HIBCH: variants seen among roughly 807,000 people sequenced by gnomAD.
HIBCH encodes the protein 3-hydroxyisobutyryl-CoA hydrolase.
In HIBCH, 50 loss-of-function variants were observed where a neutral mutation model predicts 58.2. The ratio of observed to expected loss-of-function variants is 0.86; its 90% CI spans 0.68 to 1.09. The LOEUF (loss-of-function observed/expected upper bound fraction) is 1.09. HIBCH is among the 50% of genes least tolerant of loss of function. HIBCH has a pLI of 0.00. For synonymous variants in HIBCH, 151 were observed against 146.9 expected (o/e 1.03, Z -0.20); for missense variants, 450 against 449.7 (o/e 1.00, Z -0.01).
chr2:190,222,421 GAA>G (rs930196020), intron 11 of HIBCH, among the ~76,000 whole-genome samples: 1 of 137,382 alleles, frequency 7.3e-6, no homozygotes, highest in Non-Finnish European at 1.6e-5. Context: ...CAAAAAGGAG[GAA>G]AAAAAAAAAA....
At position 190,236,425 on chromosome 2, in the gene HIBCH, C is replaced by A. The variant is rs1251455017; in HGVS notation, c.891+8462G>T. ...TTTAAGAGTTATGTTCTGCTTTGAA[C>A]TGTAAATATTTTTCTAAGTAATCAT... On this transcript the variant is annotated intron_variant, in intron 11 of 13. Transcript: ENST00000359678. This position sits in a 1 kb window ranked among gnomAD's most constrained non-coding sequence, Gnocchi z 4.1. 6.6e-6 allele frequency among the ~76,000 whole-genome samples: 1 copy of A among 152,130 alleles called. No homozygotes were observed. Among genetic ancestry groups the A allele is most frequent in the East Asian group, 1.9e-4 (1 of 5,200 alleles).
intron 1 of HIBCH, among the ~76,000 whole-genome samples, chr2:190,194,475 TATACACACACAC>T (rs149973329): frequency 0.024 from 3,002 of 126,894 alleles, 108 homozygotes; most frequent in African/African-American, 0.095. Flanking sequence ...GTATCCTGTG[TATACACACACAC>T]ACACACACAC....
rs140847151 is a variant in HIBCH at position 190,270,600 on chromosome 2, G to A, written c.439-9366C>T. ...ATTAGAGAGTATGTGATAGCCTATC[G>A]CTATCACTCAGGATAAATGATGCTT... On this transcript the variant is annotated intron_variant, in intron 6 of 13. Transcript: ENST00000359678. Among the ~76,000 whole-genome samples, 781 of 152,218 alleles carry A rather than the reference G, an allele frequency of 5.1e-3. 3 individuals are homozygous for A. The highest frequency in any genetic ancestry group is 0.015 in the African/African-American group (619 of 41,528).
intron 7 of HIBCH, among the ~76,000 whole-genome samples, chr2:190,257,481 T>C (rs897308025): frequency 1.3e-4 from 19 of 151,372 alleles, no homozygotes; most frequent in Admixed American, 1.3e-3. Flanking sequence ...ATAAAATTAA[T>C]AAACCTCTAA....
rs1690582110 is a variant in HIBCH at position 190,214,311 on chromosome 2, A to T, written c.892-1236T>A. On this transcript the variant is annotated intron_variant, in intron 11 of 13. Coordinates refer to ENST00000359678, the MANE Select transcript of HIBCH (RefSeq NM_014362.4). This position sits in a 1 kb window ranked among gnomAD's most constrained non-coding sequence, Gnocchi z 5.5. ...CGGAGTGTGCAAGAAACCTCCAGTA[A>T]GGGGGGCTGAGTACACAGCAAAAAC... The T allele has an allele frequency of 6.6e-6, 1 of 152,250 alleles. No homozygotes were observed. The highest frequency in any genetic ancestry group is 6.5e-5 in the Admixed American group (1 of 15,272). The allele number at this position is 152,250 out of a possible 1,614,324, so 9.4% of individuals were successfully genotyped here.
Position 190,206,376 on chromosome 2 carries a change from A to G in HIBCH, c.1046-1144T>C, listed in dbSNP as rs1258267479. ...ACAACCCCGGCACATTTTTTCCACA[A>G]GAATCTCTCTCACTCTAAGTCTTCT... On this transcript the variant is annotated intron_variant, in intron 13 of 13. Coordinates refer to ENST00000359678, the MANE Select transcript of HIBCH (RefSeq NM_014362.4). This position sits in a 1 kb window ranked among gnomAD's most constrained non-coding sequence, Gnocchi z 5.1. 6.6e-6 allele frequency among the ~76,000 whole-genome samples: 1 copy of G among 152,250 alleles called. No homozygotes were observed. Among genetic ancestry groups the G allele is most frequent in the African/African-American group, 2.4e-5 (1 of 41,476 alleles).
chr2:190,287,353 T>A (rs189678832), intron 6 of HIBCH, among the ~76,000 whole-genome samples: 2 of 152,218 alleles, frequency 1.3e-5, no homozygotes. Flanking sequence ...TGAGGCACCA[T>A]GCCCGGCCAT....
At chr2:190,221,977 CT>C (rs1240268342) in intron 11 of HIBCH, among the ~76,000 whole-genome samples, 2 of 152,204 alleles carry the variant, frequency 1.3e-5, no homozygotes, top group Non-Finnish European at 2.9e-5. Flanking sequence ...CTCATTCCCC[CT>C]GGATGTCGGA....
intron 11 of HIBCH, among the ~76,000 whole-genome samples, chr2:190,218,323 C>T (rs1448487996): frequency 6.6e-6 from 1 of 152,094 alleles, no homozygotes; most frequent in Non-Finnish European, 1.5e-5. Context: ...AATATAAGGG[C>T]CCCATGCTAC....
At position 190,204,155 on chromosome 2, in the gene HIBCH, T is replaced by G. The variant is rs1048584798; in HGVS notation, c.*962A>C. The G allele has an allele frequency of 2.0e-5, 3 of 152,110 alleles. No homozygotes were observed. The highest frequency in any genetic ancestry group is 1.3e-4 in the Admixed American group (2 of 15,274). 9.4% of individuals were successfully genotyped at this position (152,110 alleles called of 1,614,324 possible). A position where few individuals can be genotyped will look rare whatever the true frequency, so the allele number is the denominator to read the frequency against. ...GAATACCTTTTAGTTCTTTCATACC[T>G]TAAAAAGTACTTACTTCATTAACAA... is the stretch of plus-strand genomic sequence containing the variant. On this transcript the variant is annotated 3_prime_UTR_variant, in exon 14 of 14. Coordinates refer to ENST00000359678, the MANE Select transcript of HIBCH (RefSeq NM_014362.4).
chr2:190,317,524 CTG>C (rs1369401151), intron 1 of HIBCH, among the ~76,000 whole-genome samples: 1 of 152,178 alleles, frequency 6.6e-6, no homozygotes, highest in Non-Finnish European at 1.5e-5. Flanking sequence ...ACTGGTAAAA[CTG>C]TATTTAATTG....
intron 9 of HIBCH, among the ~76,000 whole-genome samples, chr2:190,248,758 G>A (rs995860900): frequency 8.6e-5 from 13 of 151,990 alleles, no homozygotes; most frequent in Admixed American, 6.6e-5. Context: ...CTACTCGGGA[G>A]GCTGAGGCAC....
chr2:190,286,075 C>T (rs908635808), intron 6 of HIBCH, among the ~76,000 whole-genome samples: 1 of 152,112 alleles, frequency 6.6e-6, no homozygotes, highest in Non-Finnish European at 1.5e-5. Flanking sequence ...CTCCTAGCCT[C>T]AAGCGATTTA....
At position 190,262,688 on chromosome 2, in the gene HIBCH, G is replaced by C. The variant is rs114576450; in HGVS notation, c.439-1454C>G. On this transcript the variant is annotated intron_variant, in intron 6 of 13. Coordinates refer to ENST00000359678, the MANE Select transcript of HIBCH (RefSeq NM_014362.4). ...CCACCTCCTGAACTCTATGGAAAAA[G>C]AAACTTAAAAACCCCATATTACTTC... Among the ~76,000 whole-genome samples, 1,032 of 152,222 alleles carry C rather than the reference G, an allele frequency of 6.8e-3. 12 individuals are homozygous for C. Among genetic ancestry groups the C allele is most frequent in the African/African-American group, 0.022 (929 of 41,544 alleles).
rs527426569 is a variant in HIBCH at position 190,245,269 on chromosome 2, T to C, written c.810-301A>G. The stretch of plus-strand genomic sequence containing the variant: ...TGCTTCTAAATTGTAGAGATGGTTG[T>C]CTTATTTTCTAATACTTTTCCTCCT... On this transcript the variant is annotated intron_variant, in intron 10 of 13. Coordinates refer to ENST00000359678, the MANE Select transcript of HIBCH (RefSeq NM_014362.4). The C allele has an allele frequency of 6.2e-5, 19 of 307,044 alleles. 1 individual carries two copies. The South Asian group carries it at 6.6e-4, about 11-fold the overall frequency. The allele number at this position is 307,044 out of a possible 1,614,324, so 19.0% of individuals were successfully genotyped here. A position where few individuals can be genotyped will look rare whatever the true frequency, so the allele number is the denominator to read the frequency against.
intron 1 of HIBCH, among the ~76,000 whole-genome samples, chr2:190,192,576 G>C (rs1021139294): frequency 8.6e-5 from 13 of 151,792 alleles, no homozygotes. Context: ...CTACAGAAAA[G>C]CCTGCTGGAA....
In HIBCH at chr2:190,246,209, T is replaced by C. The variant is rs537930120; in HGVS notation, c.754A>G (p.Lys252Glu). Residue 252 changes from lysine to glutamate, a missense_variant, in exon 10 of 14, where the codon AAG becomes GAG. Lys to Glu is a moderately conservative substitution (Grantham distance 56, BLOSUM62 1). Transcript: ENST00000359678. ...ATAAAAGACTTGTCTCGATCAATCTTAGACTGTTTGAAAAGAAAAATCTTT... is the reference window on the plus strand; with the variant it reads ...ATAAAAGACTTGTCTCGATCAATCTCAGACTGTTTGAAAAGAAAAATCTTT... Reference protein sequence around the residue: ...SVLENYHTESKIDRDKSFILE... With the variant: ...SVLENYHTESEIDRDKSFILE... The C allele has an allele frequency of 9.5e-6, 15 of 1,576,842 alleles. No individual in the cohort carries two copies. In the South Asian group the frequency reaches 1.4e-4, roughly 14 times the overall value.
downstream of HIBCH, chr2:190,199,856 A>T: frequency 6.2e-7 from 1 of 1,612,376 alleles, no homozygotes. Flanking sequence ...ACAGCTCTTC[A>T]TAACATGGGC....
At chr2:190,242,789 T>C (rs1686490174) in intron 11 of HIBCH, among the ~76,000 whole-genome samples, 1 of 152,228 alleles carries the variant, frequency 6.6e-6, no homozygotes, top group South Asian at 2.1e-4. Flanking sequence ...TGCATGCATA[T>C]ACTTGTACTA....
Sources: gnomAD v4.1 joint callset for allele counts (sites outside exome capture counted in the v4.1 genomes callset) on GRCh38, gnomAD v4.1.1 for gene constraint, Gnocchi (gnomAD v3.1) non-coding constraint, MANE v1.5 for transcripts, NCBI Gene and HGNC (gene_info 2026-07-23, HGNC 2026-07-21) for gene names.